The following NKPD1 variants were observed in gnomAD, a reference collection of about 807,000 sequenced individuals.
The protein encoded by NKPD1 is NTPase KAP family P-loop domain containing 1, also known as NTPase KAP family P-loop domain-containing protein 1.
Under a neutral mutation model 42.2 loss-of-function variants are expected in NKPD1, and 37 were observed. The ratio of observed to expected loss-of-function variants is 0.88; its 90% confidence interval spans 0.67 to 1.15. The LOEUF (loss-of-function observed/expected upper bound fraction) is 1.15, where lower values mean the gene tolerates loss of function less well. Among genes scored for constraint, NKPD1 ranks in the 50% most tolerant of loss-of-function variants. NKPD1 has a pLI of 0.00. For missense variants in NKPD1, 1,113 were observed against 1,174.6 expected (o/e 0.95, Z 0.77); for synonymous variants, 552 against 536.5 (o/e 1.03, Z -0.40).
intron 3 of NKPD1, among the ~76,000 whole-genome samples, chr19:45,156,803 A>C (rs1046216179): frequency 6.6e-6 from 1 of 152,214 alleles, no homozygotes; most frequent in Non-Finnish European, 1.5e-5. Context: ...GGGGTAACAC[A>C]GCCACTTTCA....
intron 3 of NKPD1, 49 bp from the exon 4 acceptor site, chr19:45,155,965 C>A: frequency 7.8e-7 from 1 of 1,284,622 alleles, no homozygotes; most frequent in South Asian, 1.3e-5. Flanking sequence ...GGCCAGGCAC[C>A]ACCCTCCTCC....
At chr19:45,160,565 C>A (rs1006773415) in intron 1 of NKPD1, among the ~76,000 whole-genome samples, 8 of 151,588 alleles carry the variant, frequency 5.3e-5, no homozygotes, top group Non-Finnish European at 7.4e-5. Flanking sequence ...AAGGTGTGGG[C>A]GCTGTGGGAG....
Position 45,159,032 on chromosome 19 carries a change from G to C in NKPD1, c.160C>G (p.Gln54Glu), listed in dbSNP as rs1444325863. Residue 54 changes from glutamine (Q) to glutamate (E), a missense_variant, in exon 3 of 5, where the codon CAA becomes GAA. Physicochemically the swap from Gln to Glu is conservative, Grantham distance 29. Coordinates refer to ENST00000686631, the MANE Select transcript of NKPD1 (RefSeq NM_198478.4). ...TGGTAGGCCAGCTGCCAGTGTGATT[G>C]GGGGGAAGGCCGACAGGGCCCATGG... ...RAHGPCRPSP[Q>E]SHWQLAYHSH... 7.7e-7 allele frequency: 1 copy of C among 1,301,328 alleles called. No homozygotes were observed. Among genetic ancestry groups the C allele is most frequent in the East Asian group, 5.6e-5 (1 of 17,926 alleles). The allele number at this position is 1,301,328 out of a possible 1,614,324, so 80.6% of individuals were successfully genotyped here.
At chr19:45,157,252 C>T (rs552425836) in intron 3 of NKPD1, among the ~76,000 whole-genome samples, 19 of 152,346 alleles carry the variant, frequency 1.2e-4, no homozygotes, top group African/African-American at 2.4e-4. Flanking sequence ...GGGCAAAAGC[C>T]GAAGTACTGG....
rs1482302258 is a variant in NKPD1, at chr19:45,158,277, A to G, written c.529+386T>C. Among the ~76,000 whole-genome samples, 1 of 152,194 alleles carries G rather than the reference A, an allele frequency of 6.6e-6. No homozygotes were observed. The highest frequency in any genetic ancestry group is 1.5e-5 in the Non-Finnish European group (1 of 68,032). ...GCTACTCCCTAGCTCTGTCTTCCCC[A>G]ACGCCAGAGCCAGCCAACAACCCAG... On this transcript the variant is annotated intron_variant, in intron 3 of 4. Coordinates refer to ENST00000686631, the MANE Select transcript of NKPD1 (RefSeq NM_198478.4). This position sits in a 1 kb window ranked among gnomAD's most constrained non-coding sequence, Gnocchi z 4.6.
chr19:45,155,677 G>T, intron 4 of NKPD1, 108 bp downstream of exon 4: 1 of 1,128,714 alleles, frequency 8.9e-7, no homozygotes. Flanking sequence ...CCTGGGCTGG[G>T]GCAGGCTGGC....
At chr19:45,153,802 G>A (rs1478344603) in intron 4 of NKPD1, 27 bp from the exon 5 acceptor site, 2 of 1,422,970 alleles carry the variant, frequency 1.4e-6, no homozygotes, top group Non-Finnish European at 1.8e-6. Flanking sequence ...CGGGAGCCGC[G>A]TGAGCCGCAG....
chr19:45,156,423 C>T (rs1313550123), intron 3 of NKPD1, among the ~76,000 whole-genome samples: 1 of 152,182 alleles, frequency 6.6e-6, no homozygotes, highest in Admixed American at 6.5e-5. Context: ...GTCACTAATC[C>T]CACCTGAGCC....
Position 45,151,840 on chromosome 19 carries a change from C to T in NKPD1, c.*98G>A. On this transcript the variant is annotated 3_prime_UTR_variant, in exon 5 of 5. Transcript: ENST00000686631. ...CTGGGGGTGTGGGCCTCACAGGGCT[C>T]ATTCGGACCCTGGGTTGCGGCCCCA... 3.8e-6 allele frequency: 5 copies of T among 1,313,286 alleles called. No individual in the cohort carries two copies. The Middle Eastern group carries it at 1.1e-3, about 276-fold the overall frequency. The allele number at this position is 1,313,286 out of a possible 1,614,324, so 81.4% of individuals were successfully genotyped here. A position where few individuals can be genotyped will look rare whatever the true frequency, so the allele number is the denominator to read the frequency against.
At position 45,153,209 on chromosome 19, in the gene NKPD1, T is replaced by C. The variant is rs1440848879; in HGVS notation, c.1228A>G (p.Lys410Glu). ...TCACGCGACACCAGCCGCTCGATCT[T>C]CTTGCGCTGGCTTACGAACAGGTGC... ...GKHLFVSQRK[K>E]IERLVSREKF... The change falls in exon 5 of 5, where the codon AAG (lysine) becomes GAG (glutamate). Residue 410 changes from lysine (K) to glutamate (E), a missense_variant. This residue lies in a region of NKPD1 where 867 missense variants were observed against 870.1 expected (regional missense o/e 1.00). Coordinates refer to ENST00000686631, the MANE Select transcript of NKPD1 (RefSeq NM_198478.4). The C allele has an allele frequency of 1.5e-5, 24 of 1,594,868 alleles. No homozygotes were observed. Among genetic ancestry groups the C allele is most frequent in the South Asian group, 2.3e-5 (2 of 88,352 alleles).
Position 45,151,895 on chromosome 19 carries a change from G to A in NKPD1, c.*43C>T, listed in dbSNP as rs1212875758. ...AGCCCCCTATTCTCCCATCTGGGCA[G>A]ATGGAGGAACCCTTGCCTCCTGCTG... On this transcript the variant is annotated 3_prime_UTR_variant, in exon 5 of 5. Coordinates refer to ENST00000686631, the MANE Select transcript of NKPD1 (RefSeq NM_198478.4). 2.0e-6 allele frequency: 3 copies of A among 1,491,010 alleles called. No homozygotes were observed. The highest frequency in any genetic ancestry group is 2.2e-5 in the Admixed American group (1 of 45,624). 92.4% of individuals were successfully genotyped at this position (1,491,010 alleles called of 1,614,324 possible).
chr19:45,161,636 T>C (rs1444221159), upstream of NKPD1, among the ~76,000 whole-genome samples: 1 of 152,136 alleles, frequency 6.6e-6, no homozygotes, highest in Non-Finnish European at 1.5e-5. Context: ...AAGCAGTCAG[T>C]GGTTGCTACT....
At position 45,160,110 on chromosome 19, in the gene NKPD1, T is replaced by C. The variant is rs1320806253; in HGVS notation, c.41A>G (p.Gln14Arg). Reference sequence around the variant, plus strand: ...CCAGAAGTAGTGCCCGTTGGGGCTCTGGGCATCCTTGGCGAAGTGGACTTT... The same window carrying C: ...CCAGAAGTAGTGCCCGTTGGGGCTCCGGGCATCCTTGGCGAAGTGGACTTT... ...HYKVHFAKDA[Q>R]SPNGHYFWDP... is the part of the protein sequence containing the mutation. The change falls in exon 2 of 5, where the codon CAG (glutamine) becomes CGG (arginine). Residue 14 changes from glutamine to arginine, a missense_variant. Physicochemically the swap from Gln to Arg is conservative, Grantham distance 43. Around this residue, in one of 3 missense-constraint regions of NKPD1, gnomAD observed 204 missense variants for 227.8 expected, o/e 0.90. Transcript: ENST00000686631. The C allele has an allele frequency of 6.1e-6, 8 of 1,304,952 alleles. No individual in the cohort carries two copies. The highest frequency in any genetic ancestry group is 8.1e-6 in the Non-Finnish European group (8 of 988,772). The allele number at this position is 1,304,952 out of a possible 1,614,324, so 80.8% of individuals were successfully genotyped here.
rs748808986 is a variant in NKPD1 at position 45,152,174 on chromosome 19, C to T, written c.2263G>A (p.Gly755Ser). 6.3e-7 allele frequency: 1 copy of T among 1,595,868 alleles called. No individual in the cohort carries two copies. Among genetic ancestry groups the T allele is most frequent in the Middle Eastern group, 1.7e-4 (1 of 6,028 alleles). Residue 755 changes from glycine to serine, a missense_variant, in exon 5 of 5, where the codon GGT (glycine) becomes AGT (serine). Gly to Ser is a moderately conservative substitution (Grantham distance 56). Around this residue, in one of 3 missense-constraint regions of NKPD1, gnomAD observed 867 missense variants for 870.1 expected, o/e 1.00. Transcript: ENST00000686631. ...NLDHSIRRRMGLIRAVSALKP... is the reference protein window; with the variant it reads ...NLDHSIRRRMSLIRAVSALKP... ...AGCGCGCTGACGGCTCGGATGAGAC[C>T]CATGCGCCGGCGGATGGAGTGGTCC...
chr19:45,153,271 C>A lies in NKPD1; in HGVS notation c.1166G>T (p.Gly389Val). 1 of 1,600,698 alleles carries A rather than the reference C, an allele frequency of 6.2e-7. No individual in the cohort carries two copies. ...VFGGAATTLSGSGLLMAVYSV... is the reference protein window; with the variant it reads ...VFGGAATTLSVSGLLMAVYSV... ...GTACACGGCCATGAGCAGCCCCGAG[C>A]CCGACAGTGTGGTGGCCGCGCCGCC... Residue 389 changes from glycine (G) to valine (V), a missense_variant, in exon 5 of 5, where the codon GGC (glycine) becomes GTC (valine). By Grantham distance (109) the Gly-to-Val change is moderately radical. This residue lies in a region of NKPD1 where 867 missense variants were observed against 870.1 expected (regional missense o/e 1.00). Coordinates refer to ENST00000686631, the MANE Select transcript of NKPD1 (RefSeq NM_198478.4).
rs536994789 is a variant in NKPD1, at chr19:45,153,776, C to A, written c.662-1G>T. The A allele has an allele frequency of 8.2e-6, 12 of 1,462,460 alleles. No homozygotes were observed. In the Admixed American group the frequency reaches 1.8e-4, roughly 22 times the overall value. 90.6% of individuals were successfully genotyped at this position (1,462,460 alleles called of 1,614,324 possible). On this transcript the variant is annotated splice_acceptor_variant, in intron 4 of 4. Coordinates refer to ENST00000686631, the MANE Select transcript of NKPD1 (RefSeq NM_198478.4). LOFTEE classifies it high-confidence loss of function. Reference sequence around the variant, plus strand: ...TGCGCGGCCTCCTGCTGCATCAGCGCTGCGGGAAGGGAGCCCGGGAGCCGC... The same window carrying A: ...TGCGCGGCCTCCTGCTGCATCAGCGATGCGGGAAGGGAGCCCGGGAGCCGC...
chr19:45,156,581 G>C (rs1351984306), intron 3 of NKPD1, among the ~76,000 whole-genome samples: 2 of 152,238 alleles, frequency 1.3e-5, no homozygotes, highest in African/African-American at 2.4e-5. Context: ...GAATGCCAAA[G>C]GGTCTGGCCA....
chr19:45,152,530 A>T lies in NKPD1; in HGVS notation c.1907T>A (p.Leu636Gln), dbSNP rs1438316151. 3 of 1,576,364 alleles carry T rather than the reference A, an allele frequency of 1.9e-6. No individual in the cohort carries two copies. The highest frequency in any genetic ancestry group is 2.6e-6 in the Non-Finnish European group (3 of 1,170,218). Reference sequence around the variant, plus strand: ...GTCCCCCTGCTGCTGCTGCTGCTGCAGCAGGCGCACGGTGATGGGCACGGT... The same window carrying T: ...GTCCCCCTGCTGCTGCTGCTGCTGCTGCAGGCGCACGGTGATGGGCACGGT... ...VNTVPITVRLLQQQQQQGDFG... is the reference protein window; with the variant it reads ...VNTVPITVRLQQQQQQQGDFG... Residue 636 changes from leucine to glutamine, a missense_variant, in exon 5 of 5, where the codon CTG (leucine) becomes CAG (glutamine). This residue lies in a region of NKPD1 where 867 missense variants were observed against 870.1 expected (regional missense o/e 1.00). Transcript: ENST00000686631.
At chr19:45,159,585 G>A (rs535094183) in intron 2 of NKPD1, among the ~76,000 whole-genome samples, 2 of 152,230 alleles carry the variant, frequency 1.3e-5, no homozygotes, top group East Asian at 3.9e-4. Context: ...GAAGGGTGGT[G>A]ACCTGGGAAG....
Sources: allele counts gnomAD v4.1 joint callset (sites outside exome capture counted in the v4.1 genomes callset), GRCh38; gene constraint gnomAD v4.1.1; regional missense constraint gnomAD v4.1.1; non-coding constraint Gnocchi (gnomAD v3.1); transcripts MANE v1.5; gene names NCBI Gene and HGNC (gene_info 2026-07-23, HGNC 2026-07-21).